Variants in FMNL2 observed in about 807,000 individuals in gnomAD.
FMNL2 encodes formin-like protein 2.
Under a neutral mutation model 130.2 loss-of-function variants are expected in FMNL2, and 51 were observed. The ratio of observed to expected loss-of-function variants is 0.39; its 90% CI spans 0.31 to 0.49. FMNL2 has a LOEUF of 0.49. FMNL2 is among the 20% of genes least tolerant of loss of function. The pLI, the probability that FMNL2 is intolerant of heterozygous loss-of-function variation, is 0.85. For missense variants in FMNL2, 977 were observed against 1,316.2 expected, an observed-to-expected ratio of 0.74 and a Z score of 3.99; for synonymous variants, 465 against 467.1, an observed-to-expected ratio of 1.00 and a Z score of 0.06.
chr2:152,417,755 C>G (rs1336390492), intron 1 of FMNL2, among the ~76,000 whole-genome samples: 1 of 152,190 alleles, frequency 6.6e-6, no homozygotes, highest in South Asian at 2.1e-4. Context: ...CCCACTGAAC[C>G]CAGACTGTTA....
chr2:152,517,259 G>A (rs530077802), intron 1 of FMNL2, among the ~76,000 whole-genome samples: 10 of 152,276 alleles, frequency 6.6e-5, no homozygotes, highest in African/African-American at 2.4e-5. Flanking sequence ...TGTTCAGTGT[G>A]TAGACATTGT....
chr2:152,554,984 C>A (rs1256623854), intron 4 of FMNL2, among the ~76,000 whole-genome samples: 1 of 152,134 alleles, frequency 6.6e-6, no homozygotes. Flanking sequence ...AATGAGTAAG[C>A]TTTAATAAAA....
chr2:152,442,331 G>T (rs1485716331), intron 1 of FMNL2, among the ~76,000 whole-genome samples: 1 of 150,352 alleles, frequency 6.7e-6, no homozygotes, highest in Admixed American at 6.6e-5. Context: ...GGCTTACTGC[G>T]ACCTCCTTCT....
chr2:152,406,046 A>G (rs1685961354), intron 1 of FMNL2, among the ~76,000 whole-genome samples: 1 of 152,120 alleles, frequency 6.6e-6, no homozygotes. Context: ...AGGTATATAT[A>G]TCTCTTGTGA....
At chr2:152,641,405 C>T (rs1261180926) in intron 25 of FMNL2, among the ~76,000 whole-genome samples, 1 of 152,236 alleles carries the variant, frequency 6.6e-6, no homozygotes, top group Non-Finnish European at 1.5e-5. Context: ...ATTGTGTTAA[C>T]CCAGCCTGGT....
At chr2:152,387,820 ATTT>A (rs10538950) in intron 1 of FMNL2, among the ~76,000 whole-genome samples, 1,705 of 146,370 alleles carry the variant, frequency 0.012, 34 homozygotes, top group African/African-American at 0.041. Flanking sequence ...TAAAAAAAAA[ATTT>A]TTTTTTTTTT....
At chr2:152,554,289 C>A (rs1195507794) in intron 4 of FMNL2, among the ~76,000 whole-genome samples, 5 of 152,092 alleles carry the variant, frequency 3.3e-5, no homozygotes, top group Admixed American at 6.5e-5. Context: ...ATCCTGGAGT[C>A]CCAGCTACTC....
intron 9 of FMNL2, among the ~76,000 whole-genome samples, chr2:152,601,632 G>A (rs1465083306): frequency 6.8e-6 from 1 of 147,266 alleles, no homozygotes; most frequent in Non-Finnish European, 1.5e-5. Context: ...TTGCAAACCA[G>A]TAGTATTATC....
chr2:152,513,703 CCA>C (rs1692606213), intron 1 of FMNL2, among the ~76,000 whole-genome samples: 1 of 152,138 alleles, frequency 6.6e-6, no homozygotes. Context: ...TGTCTCATTA[CCA>C]CAGTTTCCCC....
chr2:152,454,831 A>G (rs746030981), intron 1 of FMNL2, among the ~76,000 whole-genome samples: 15 of 152,268 alleles, frequency 9.9e-5, no homozygotes, highest in Non-Finnish European at 1.9e-4. Context: ...AAGAAGGGGC[A>G]ATAACCTCAG....
At chr2:152,602,632 G>T (rs1698137166) in intron 9 of FMNL2, among the ~76,000 whole-genome samples, 1 of 152,190 alleles carries the variant, frequency 6.6e-6, no homozygotes, top group South Asian at 2.1e-4. Context: ...CGTTTCAGCT[G>T]CAAGAATATA....
intron 1 of FMNL2, among the ~76,000 whole-genome samples, chr2:152,354,188 C>T (rs976763122): frequency 2.6e-5 from 4 of 152,112 alleles, no homozygotes; most frequent in Non-Finnish European, 5.9e-5. Flanking sequence ...GTGCTGTGAC[C>T]ACTGAGCAGC....
At chr2:152,433,643 C>G (rs567012511) in intron 1 of FMNL2, among the ~76,000 whole-genome samples, 1 of 152,252 alleles carries the variant, frequency 6.6e-6, no homozygotes, top group South Asian at 2.1e-4. Flanking sequence ...AACAGCTGGA[C>G]AAAGTAAATG....
At chr2:152,450,903 G>A (rs183607021) in intron 1 of FMNL2, among the ~76,000 whole-genome samples, 45 of 152,338 alleles carry the variant, frequency 3.0e-4, no homozygotes, top group African/African-American at 1.0e-3. Context: ...TACCCATGGC[G>A]GTGGATTTTG....
intron 6 of FMNL2, among the ~76,000 whole-genome samples, chr2:152,565,384 C>T (rs1277173218): frequency 6.6e-6 from 1 of 152,024 alleles, no homozygotes; most frequent in African/African-American, 2.4e-5. Context: ...GAGCACAGCC[C>T]TATATAAAGA....
Position 152,625,468 on chromosome 2 carries a change from A to C in FMNL2, c.1868A>C (p.Lys623Thr). The C allele has an allele frequency of 6.2e-7, 1 of 1,611,028 alleles. No individual in the cohort carries two copies. Among genetic ancestry groups the C allele is most frequent in the Non-Finnish European group, 8.5e-7 (1 of 1,177,340 alleles). Residue 623 changes from lysine to threonine, a missense_variant, in exon 16 of 26, where the codon AAG (lysine) becomes ACG (threonine). Physicochemically the swap from Lys to Thr is moderately conservative, Grantham distance 78. Around this residue, in one of 4 missense-constraint regions of FMNL2, gnomAD observed 689 missense variants for 995.9 expected, o/e 0.69. Transcript: ENST00000288670. ...AAAATTAAGAAGCCAATCAAGACGA[A>C]GTTCAGAATGCCAGTGTTTAACTGG... ...AVKIKKPIKTKFRMPVFNWVA... is the reference protein window; with the variant it reads ...AVKIKKPIKTTFRMPVFNWVA...
chr2:152,511,543 T>C (rs914110837), intron 1 of FMNL2, among the ~76,000 whole-genome samples: 1 of 152,232 alleles, frequency 6.6e-6, no homozygotes, highest in African/African-American at 2.4e-5. Flanking sequence ...ATCTTTCTCT[T>C]GTTATTTCAG....
intron 1 of FMNL2, among the ~76,000 whole-genome samples, chr2:152,479,101 A>T (rs13021931): frequency 0.043 from 6,572 of 152,238 alleles, 472 homozygotes; most frequent in African/African-American, 0.15. Flanking sequence ...CAAGTTTTCA[A>T]GAAACAGTTT....
chr2:152,366,120 T>A (rs1454256090), intron 1 of FMNL2, among the ~76,000 whole-genome samples: 4 of 151,630 alleles, frequency 2.6e-5, no homozygotes, highest in Non-Finnish European at 4.4e-5. Context: ...GCCCAGAAAT[T>A]TGGAAGATTA....
Sources: allele counts gnomAD v4.1 joint callset (sites outside exome capture counted in the v4.1 genomes callset), GRCh38; gene constraint gnomAD v4.1.1; regional missense constraint gnomAD v4.1.1; transcripts MANE v1.5; gene names NCBI Gene and HGNC (gene_info 2026-07-23, HGNC 2026-07-21).